Variants in SMYD4 observed in about 807,000 individuals in gnomAD.
The protein encoded by SMYD4 is SET and MYND domain containing 4.
SMYD4 carries 68 observed loss-of-function variants against 72.8 expected under a neutral mutation model. That is an observed-to-expected ratio of 0.93 (90% CI 0.77 to 1.14). The LOEUF (loss-of-function observed/expected upper bound fraction) is 1.14. Among genes scored for constraint, SMYD4 ranks in the 50% most tolerant of loss-of-function variants. The pLI is 0.00. For synonymous variants in SMYD4, 407 were observed against 388.6 expected, an observed-to-expected ratio of 1.05 and a Z score of -0.56; for missense variants, 984 against 1,003.7, an observed-to-expected ratio of 0.98 and a Z score of 0.27.
intron 2 of SMYD4, among the ~76,000 whole-genome samples, chr17:1,823,232 T>C (rs1223775434): frequency 1.4e-5 from 2 of 138,068 alleles, no homozygotes. Context: ...AAAAAAAAGA[T>C]AATAAAATAA....
chr17:1,818,289 G>C (rs1171396213), intron 2 of SMYD4, among the ~76,000 whole-genome samples: 1 of 152,088 alleles, frequency 6.6e-6, no homozygotes, highest in Non-Finnish European at 1.5e-5. Context: ...TCCCAGCTCT[G>C]GCTCCAAAGT....
chr17:1,781,244 T>G lies in SMYD4; in HGVS notation c.*42A>C. ...CCAGCAAAACCTCTTTAACTTGTGT[T>G]CCATGGGCTCCTTTTCTGTGGGTCA... On this transcript the variant is annotated 3_prime_UTR_variant, in exon 11 of 11. Transcript: ENST00000305513. The G allele has an allele frequency of 2.5e-6, 4 of 1,595,712 alleles. No homozygotes were observed. The highest frequency in any genetic ancestry group is 4.6e-4 in the Middle Eastern group (2 of 4,380).
rs903376486 is a variant in SMYD4 at position 1,798,089 on chromosome 17, C to T, written c.1537+1768G>A. Among the ~76,000 whole-genome samples, 24 of 152,106 alleles carry T rather than the reference C, an allele frequency of 1.6e-4. 1 individual carries two copies. The highest frequency in any genetic ancestry group is 5.8e-4 in the African/African-American group (24 of 41,506). ...AGTCTGGTTTGACTATTATTTCTGC[C>T]CTCCCTAAAGAGAAACTATATAGCT... On this transcript the variant is annotated intron_variant, in intron 5 of 10. Transcript: ENST00000305513.
chr17:1,784,295 C>A (rs1398745783), intron 8 of SMYD4, 31 bp downstream of exon 8: 1 of 1,613,514 alleles, frequency 6.2e-7, no homozygotes, highest in Non-Finnish European at 8.5e-7. Context: ...AGGGAAGGGG[C>A]TGGAGGACCA....
In SMYD4 at chr17:1,801,044, C is replaced by A; in HGVS notation, c.370-20G>T. ...ACACGTCTGAAAACAGAAAGAAAAT[C>A]CCACAATGACCCTTGGTCCCTATTC... On this transcript the variant is annotated intron_variant, in intron 4 of 10. Coordinates refer to ENST00000305513, the MANE Select transcript of SMYD4 (RefSeq NM_052928.3). The A allele has an allele frequency of 6.4e-7, 1 of 1,573,320 alleles. No individual in the cohort carries two copies.
chr17:1,807,424 C>CA (rs992895270), intron 3 of SMYD4, among the ~76,000 whole-genome samples: 24 of 151,906 alleles, frequency 1.6e-4, no homozygotes, highest in Non-Finnish European at 2.6e-4. Context: ...TACCGCCCCC[C>CA]CCGGCCCCCA....
chr17:1,794,065 A>ATATG (rs1555575715), intron 5 of SMYD4, among the ~76,000 whole-genome samples: 2 of 58,312 alleles, frequency 3.4e-5, no homozygotes, highest in African/African-American at 1.2e-4. Context: ...GTGTATATAT[A>ATATG]TGTGTATATA....
chr17:1,805,900 T>C (rs1374263998), intron 3 of SMYD4, among the ~76,000 whole-genome samples: 2 of 151,120 alleles, frequency 1.3e-5, no homozygotes, highest in Non-Finnish European at 2.9e-5. Context: ...GAATCTTTCA[T>C]TGGATAAATT....
intron 10 of SMYD4, chr17:1,782,497 G>C (rs1049788882): frequency 7.2e-6 from 1 of 138,802 alleles, no homozygotes. Context: ...AAAAAAAAAA[G>C]TCTCCAGGCA....
intron 4 of SMYD4, among the ~76,000 whole-genome samples, chr17:1,801,598 T>C (rs1909759138): frequency 1.6e-5 from 2 of 125,136 alleles, no homozygotes; most frequent in African/African-American, 3.1e-5. Flanking sequence ...AGAAGAATTA[T>C]AGCATGGTGA....
intron 3 of SMYD4, among the ~76,000 whole-genome samples, chr17:1,808,947 T>C (rs1220717018): frequency 1.3e-5 from 2 of 152,180 alleles, no homozygotes; most frequent in African/African-American, 4.8e-5. Context: ...GTTGTAGGTG[T>C]GATCGTTTTT....
intron 2 of SMYD4, among the ~76,000 whole-genome samples, chr17:1,826,491 C>CAAA (rs111636314): frequency 1.9e-5 from 2 of 103,056 alleles, no homozygotes; most frequent in Non-Finnish European, 2.0e-5. Context: ...AAACTCTGTC[C>CAAA]AAAAAAAAAA....
At chr17:1,807,941 C>T (rs185083853) in intron 3 of SMYD4, among the ~76,000 whole-genome samples, 3 of 152,146 alleles carry the variant, frequency 2.0e-5, no homozygotes, top group Middle Eastern at 6.8e-3. Context: ...GAACAGATTC[C>T]CTCCTCACAA....
At position 1,781,286 on chromosome 17, in the gene SMYD4, C is replaced by T. The variant is rs760998136; in HGVS notation, c.2415G>A (p.Ter805=). 1.7e-5 allele frequency: 27 copies of T among 1,612,142 alleles called. No homozygotes were observed. In the South Asian group the frequency reaches 1.9e-4, roughly 11 times the overall value. Residue 805 remains the stop codon, a stop_retained_variant, in exon 11 of 11, where the codon TAG becomes TAA. Coordinates refer to ENST00000305513, the MANE Select transcript of SMYD4 (RefSeq NM_052928.3). ...TGTGGGTCAAAATCCTCCTGGAACC[C>T]TACAATGCAGGCCCTACAGGGGTGG... ...LPPTPVGPAL[*] is the part of the protein sequence containing the mutation.
Position 1,800,415 on chromosome 17 carries a change from A to C in SMYD4, c.979T>G (p.Trp327Gly). 6.2e-7 allele frequency: 1 copy of C among 1,614,212 alleles called. No individual in the cohort carries two copies. The highest frequency in any genetic ancestry group is 8.5e-7 in the Non-Finnish European group (1 of 1,180,040). Residue 327 changes from tryptophan (W) to glycine (G), a missense_variant, in exon 5 of 11, where the codon TGG (tryptophan) becomes GGG (glycine). Coordinates refer to ENST00000305513, the MANE Select transcript of SMYD4 (RefSeq NM_052928.3). ...YCSQECLQQA[W>G]ELYHRTECPL... ...CATTCTGTCCTGTGGTAGAGCTCCC[A>C]GGCCTGCTGCAAACACTCCTGGCTG...
At chr17:1,801,284 G>T (rs1369424993) in intron 4 of SMYD4, among the ~76,000 whole-genome samples, 1 of 151,886 alleles carries the variant, frequency 6.6e-6, no homozygotes, top group East Asian at 1.9e-4. Context: ...TGTCGCCCAG[G>T]CTGGATTGCA....
Position 1,829,027 on chromosome 17 carries a change from G to A in SMYD4, c.-13+699C>T, listed in dbSNP as rs151009897. 1.4e-3 allele frequency among the ~76,000 whole-genome samples: 220 copies of A among 152,116 alleles called. 1 individual carries two copies. The highest frequency in any genetic ancestry group is 5.2e-3 in the African/African-American group (214 of 41,516). ...GTTCTGATTAAGTCCTCACCATCTC[G>A]TCTGGCATTCTTCCTAGAGTGTTAT... On this transcript the variant is annotated intron_variant, in intron 1 of 10. Transcript: ENST00000305513.
intron 2 of SMYD4, among the ~76,000 whole-genome samples, chr17:1,824,924 G>A (rs1390962585): frequency 6.6e-6 from 1 of 152,054 alleles, no homozygotes; most frequent in Non-Finnish European, 1.5e-5. Flanking sequence ...CGCGCCCGGT[G>A]AAATCTGATG....
In SMYD4 at chr17:1,800,894, C is replaced by A; in HGVS notation, c.500G>T (p.Ser167Ile). The change falls in exon 5 of 11, where the codon AGT becomes ATT. Residue 167 changes from serine (S) to isoleucine (I), a missense_variant. Coordinates refer to ENST00000305513, the MANE Select transcript of SMYD4 (RefSeq NM_052928.3). ...GGCTGTGAAGTTCCTTTCAAGATCA[C>A]TGATGGTCTGGCTTGCCTCCTGCAG... is the stretch of plus-strand genomic sequence containing the variant. Reference protein sequence around the residue: ...GRLQEASQTISDLERNFTATP... With the variant: ...GRLQEASQTIIDLERNFTATP... 1 of 1,614,206 alleles carries A rather than the reference C, an allele frequency of 6.2e-7. No individual in the cohort carries two copies. Among genetic ancestry groups the A allele is most frequent in the Non-Finnish European group, 8.5e-7 (1 of 1,180,046 alleles).
Sources: allele counts gnomAD v4.1 joint callset (sites outside exome capture counted in the v4.1 genomes callset), GRCh38; gene constraint gnomAD v4.1.1; transcripts MANE v1.5; gene names NCBI Gene and HGNC (gene_info 2026-07-23, HGNC 2026-07-21).